MORN1: variants seen among roughly 807,000 people sequenced by gnomAD.
MORN1 encodes the protein MORN repeat-containing protein 1.
Under a neutral mutation model 61.9 loss-of-function variants are expected in MORN1, and 67 were observed. The observed-to-expected ratio is 1.08, with a 90% CI of 0.89 to 1.33. MORN1 has a LOEUF of 1.33. MORN1 is among the 40% of genes most tolerant of loss of function. The pLI is 0.00. For missense variants in MORN1, 752 were observed against 691.2 expected, an observed-to-expected ratio of 1.09 and a Z score of -0.99; for synonymous variants, 301 against 292.0, an observed-to-expected ratio of 1.03 and a Z score of -0.31.
intron 1 of MORN1, among the ~76,000 whole-genome samples, 162 bp downstream of exon 1, chr1:2,391,296 G>A (rs892612010): frequency 2.6e-5 from 4 of 152,198 alleles, no homozygotes; most frequent in Admixed American, 6.5e-5. Context: ...CGCACGGCGA[G>A]TCCTGTGGGA....
intron 10 of MORN1, among the ~76,000 whole-genome samples, chr1:2,345,492 C>T (rs957168317): frequency 6.6e-6 from 1 of 152,214 alleles, no homozygotes; most frequent in Admixed American, 6.5e-5. Flanking sequence ...AGGCTCTGCA[C>T]CGGGGGACCC....
chr1:2,389,271 T>C (rs1257166960), intron 2 of MORN1, among the ~76,000 whole-genome samples: 4 of 152,210 alleles, frequency 2.6e-5, no homozygotes, highest in African/African-American at 9.6e-5. Context: ...TATACTTGCT[T>C]TTTTTGTTCT....
At chr1:2,331,695 G>A (rs1235250941) in intron 12 of MORN1, among the ~76,000 whole-genome samples, 2 of 152,182 alleles carry the variant, frequency 1.3e-5, no homozygotes, top group African/African-American at 4.8e-5. Context: ...CTATTTTAGG[G>A]AACAGTCAAA....
At chr1:2,356,324 C>T (rs756737144) in intron 10 of MORN1, among the ~76,000 whole-genome samples, 1 of 152,152 alleles carries the variant, frequency 6.6e-6, no homozygotes, top group Non-Finnish European at 1.5e-5. Context: ...TGACCAGGGA[C>T]GTCTCGTCAA....
At chr1:2,384,064 T>C (rs1381888313) in intron 6 of MORN1, among the ~76,000 whole-genome samples, 1 of 152,214 alleles carries the variant, frequency 6.6e-6, no homozygotes, top group Non-Finnish European at 1.5e-5. Context: ...GACTCTTTCA[T>C]TACGTTTTTC....
rs1350368917 is a variant in MORN1, at chr1:2,324,132, C to T, written c.1262G>A (p.Arg421Lys). 3.1e-6 allele frequency: 5 copies of T among 1,600,244 alleles called. No homozygotes were observed. The highest frequency in any genetic ancestry group is 4.3e-6 in the Non-Finnish European group (5 of 1,174,798). Residue 421 changes from arginine to lysine, a missense_variant, in exon 13 of 14, where the codon AGA (arginine) becomes AAA (lysine). Arg to Lys is a conservative substitution (Grantham distance 26). Transcript: ENST00000378531. The part of the protein sequence containing the change: ...EPPGGSRPEG[R>K]ATEEQAAAAH... ...TGCCGCAGCCTGCTCCTCCGTGGCT[C>T]TCCCCTCAGGCCTGTGGAGACGACA...
chr1:2,380,035 T>TG (rs1288824524), intron 6 of MORN1, among the ~76,000 whole-genome samples: 1 of 151,654 alleles, frequency 6.6e-6, no homozygotes, highest in East Asian at 1.9e-4. Flanking sequence ...GTGGTGGTGG[T>TG]GGGGGGTGCG....
At chr1:2,325,141 TCCCTCCCTTCCTTCCCTC>T (rs1640987299) in intron 12 of MORN1, among the ~76,000 whole-genome samples, 1 of 14,102 alleles carries the variant, frequency 7.1e-5, no homozygotes, top group Non-Finnish European at 1.4e-4. Flanking sequence ...CTTCCCTCCC[TCCCTCCCTTCCTTCCCTC>T]CCTTCCTTCC....
At chr1:2,345,146 G>A (rs142504620) in intron 10 of MORN1, among the ~76,000 whole-genome samples, 8 of 152,150 alleles carry the variant, frequency 5.3e-5, no homozygotes, top group Admixed American at 1.3e-4. Flanking sequence ...GTCAGCCCCC[G>A]CGAGGGTCCA....
chr1:2,332,192 C>T (rs1228165214), intron 12 of MORN1: 2 of 190,860 alleles, frequency 1.0e-5, no homozygotes, highest in African/African-American at 2.4e-5. Flanking sequence ...CACCAGGTGC[C>T]CAGCGGGGCT....
chr1:2,390,110 G>A (rs1014557042), intron 1 of MORN1, 114 bp from the exon 2 acceptor site: 21 of 965,180 alleles, frequency 2.2e-5, no homozygotes, highest in African/African-American at 1.4e-4. Flanking sequence ...GTTGGTACAC[G>A]TCACCTTCAG....
intron 2 of MORN1, chr1:2,388,539 G>A (rs551917000): frequency 8.7e-5 from 46 of 531,304 alleles, no homozygotes; most frequent in African/African-American, 5.8e-4. Flanking sequence ...AGCGGCCGGC[G>A]CCTTCAGCCA....
At chr1:2,382,198 G>A (rs888682140) in intron 6 of MORN1, among the ~76,000 whole-genome samples, 6 of 152,308 alleles carry the variant, frequency 3.9e-5, no homozygotes, top group African/African-American at 1.4e-4. Context: ...GGATGGCCCT[G>A]TCTGGCAGCA....
chr1:2,373,025 C>A (rs952547520), intron 7 of MORN1, among the ~76,000 whole-genome samples: 1 of 152,244 alleles, frequency 6.6e-6, no homozygotes, highest in Non-Finnish European at 1.5e-5. Context: ...AGGGTGGGTC[C>A]ACCGGCTGGC....
intron 12 of MORN1, chr1:2,332,595 C>G (rs1359268635): frequency 2.2e-6 from 1 of 456,498 alleles, no homozygotes; most frequent in Admixed American, 2.3e-5. Flanking sequence ...CCGGCACAGG[C>G]CCAGGTTGGG....
intron 12 of MORN1, among the ~76,000 whole-genome samples, chr1:2,329,383 C>T (rs1641100328): frequency 6.6e-6 from 1 of 152,224 alleles, no homozygotes; most frequent in South Asian, 2.1e-4. Flanking sequence ...CGTGGCTGAA[C>T]TCCCACCTGG....
chr1:2,387,540 A>G lies in MORN1; in HGVS notation c.248-11T>C. Reference sequence around the variant, plus strand: ...CAGAGAAGGTGTCTCCTGCATGTGGACAAGGAGGAGGGGAGACAGGAGGTT... The same window carrying G: ...CAGAGAAGGTGTCTCCTGCATGTGGGCAAGGAGGAGGGGAGACAGGAGGTT... On this transcript the variant is annotated splice_polypyrimidine_tract_variant and intron_variant, in intron 3 of 13. Transcript: ENST00000378531. 6.3e-7 allele frequency: 1 copy of G among 1,595,882 alleles called. No homozygotes were observed. The highest frequency in any genetic ancestry group is 8.6e-7 in the Non-Finnish European group (1 of 1,167,514).
At chr1:2,333,573 A>G (rs1372504237) in intron 12 of MORN1, among the ~76,000 whole-genome samples, 2 of 152,120 alleles carry the variant, frequency 1.3e-5, no homozygotes. Context: ...GTCTCCTGGG[A>G]CTCCAGGGTG....
At chr1:2,384,870 TG>T in intron 6 of MORN1, 107 bp downstream of exon 6, 1 of 907,022 alleles carries the variant, frequency 1.1e-6, no homozygotes. Context: ...TCGCAGGGCC[TG>T]GCACATGGAG....
Sources: allele counts gnomAD v4.1 joint callset (sites outside exome capture counted in the v4.1 genomes callset), GRCh38; gene constraint gnomAD v4.1.1; transcripts MANE v1.5; gene names NCBI Gene and HGNC (gene_info 2026-07-23, HGNC 2026-07-21).